C10orf90: variants seen among roughly 807,000 people sequenced by gnomAD.
C10orf90 encodes (E2-independent) E3 ubiquitin-conjugating enzyme FATS.
Under a neutral mutation model 62.5 loss-of-function variants are expected in C10orf90, and 56 were observed. The observed-to-expected ratio is 0.90, with a 90% CI of 0.72 to 1.12. C10orf90 has a LOEUF of 1.12. C10orf90 is among the 50% of genes most tolerant of loss of function. C10orf90 has a pLI of 0.00. For synonymous variants in C10orf90, 386 were observed against 340.4 expected (o/e 1.13, Z -1.47); for missense variants, 970 against 880.4 (o/e 1.10, Z -1.29).
intron 2 of C10orf90, among the ~76,000 whole-genome samples, chr10:126,587,360 A>G (rs1253878429): frequency 4.6e-5 from 7 of 152,204 alleles, no homozygotes; most frequent in African/African-American, 1.7e-4. Context: ...TATTTCTTAC[A>G]GTTCTGGAAG....
intron 2 of C10orf90, among the ~76,000 whole-genome samples, chr10:126,624,527 G>C (rs182536545): frequency 1.6e-4 from 24 of 152,284 alleles, no homozygotes; most frequent in African/African-American, 9.6e-5. Context: ...TGCTAAAAAG[G>C]CTAAGAACCA....
At chr10:126,653,950 G>A (rs117031207) in intron 1 of C10orf90, among the ~76,000 whole-genome samples, 542 of 152,266 alleles carry the variant, frequency 3.6e-3, no homozygotes, top group Non-Finnish European at 5.9e-3. Flanking sequence ...GTCAATGAGC[G>A]GTAATATTTT....
intron 2 of C10orf90, among the ~76,000 whole-genome samples, chr10:126,530,230 A>G (rs1356731161): frequency 6.6e-6 from 1 of 152,194 alleles, no homozygotes; most frequent in Non-Finnish European, 1.5e-5. Flanking sequence ...GGATGAGAAA[A>G]AGCAAACCAA....
intron 7 of C10orf90, among the ~76,000 whole-genome samples, chr10:126,450,539 T>C (rs1309266028): frequency 1.3e-5 from 2 of 152,234 alleles, no homozygotes; most frequent in East Asian, 1.9e-4. Flanking sequence ...AATACATCTA[T>C]GTATTTACAT....
intron 2 of C10orf90, among the ~76,000 whole-genome samples, chr10:126,594,258 A>G (rs2134031974): frequency 6.6e-6 from 1 of 152,238 alleles, no homozygotes. Flanking sequence ...AAAACCAAAA[A>G]GGAGCAAAAA....
At position 126,461,383 on chromosome 10, in the gene C10orf90, A is replaced by G; in HGVS notation, c.2010+18T>C. On this transcript the variant is annotated intron_variant, in intron 6 of 9. Transcript: ENST00000488181. The stretch of plus-strand genomic sequence containing the variant: ...TCCCTTTGGCAGGAATCAAGCCAGG[A>G]CACACAGAAGGCCTTACTTGCAAGG... The G allele has an allele frequency of 1.2e-6, 2 of 1,613,242 alleles. No individual in the cohort carries two copies. Among genetic ancestry groups the G allele is most frequent in the African/African-American group, 1.3e-5 (1 of 74,986 alleles).
chr10:126,515,123 G>A (rs184162326), intron 2 of C10orf90, among the ~76,000 whole-genome samples: 22 of 152,230 alleles, frequency 1.4e-4, no homozygotes, highest in African/African-American at 4.3e-4. Flanking sequence ...ACAACCTTTC[G>A]GTCAATGAAG....
intron 2 of C10orf90, among the ~76,000 whole-genome samples, chr10:126,580,358 T>A (rs1277436158): frequency 6.6e-6 from 1 of 152,122 alleles, no homozygotes; most frequent in Non-Finnish European, 1.5e-5. Flanking sequence ...CAAAAACGTT[T>A]AAAAAGACAT....
At chr10:126,526,587 A>G (rs944614976) in intron 2 of C10orf90, among the ~76,000 whole-genome samples, 1 of 152,124 alleles carries the variant, frequency 6.6e-6, no homozygotes, top group Non-Finnish European at 1.5e-5. Flanking sequence ...ATAATTTACA[A>G]GCCATACAGT....
intron 2 of C10orf90, among the ~76,000 whole-genome samples, chr10:126,522,307 T>C (rs962331763): frequency 1.3e-5 from 2 of 152,054 alleles, no homozygotes; most frequent in Non-Finnish European, 2.9e-5. Context: ...ATGGCACTGG[T>C]ACAGATGAAT....
chr10:126,454,886 G>T (rs1590932254), intron 7 of C10orf90, among the ~76,000 whole-genome samples: 1 of 152,104 alleles, frequency 6.6e-6, no homozygotes, highest in Non-Finnish European at 1.5e-5. Flanking sequence ...AATTGCACAG[G>T]TAGAGCCCTG....
intron 8 of C10orf90, 107 bp from the exon 9 acceptor site, chr10:126,426,197 C>G: frequency 1.1e-6 from 1 of 901,564 alleles, no homozygotes; most frequent in Non-Finnish European, 1.8e-6. Flanking sequence ...AAGAGAAGAT[C>G]GCTGCTTATG....
chr10:126,512,911 G>C (rs1863216327), intron 3 of C10orf90, among the ~76,000 whole-genome samples: 1 of 152,164 alleles, frequency 6.6e-6, no homozygotes, highest in African/African-American at 2.4e-5. Flanking sequence ...AGGAAATGTT[G>C]AGCTTTATTA....
At chr10:126,512,233 T>C (rs1295178997) in intron 3 of C10orf90, 1 of 151,284 alleles carries the variant, frequency 6.6e-6, no homozygotes, top group African/African-American at 2.4e-5. Context: ...CAGTCACAGA[T>C]AATGACCAAG....
intron 2 of C10orf90, among the ~76,000 whole-genome samples, chr10:126,638,893 G>A (rs1846005449): frequency 6.6e-6 from 1 of 152,200 alleles, no homozygotes; most frequent in Non-Finnish European, 1.5e-5. Flanking sequence ...ACTGTCCAGT[G>A]CTGGGTATCA....
At chr10:126,523,979 GAC>G in intron 2 of C10orf90, among the ~76,000 whole-genome samples, 1 of 152,262 alleles carries the variant, frequency 6.6e-6, no homozygotes, top group South Asian at 2.1e-4. Flanking sequence ...TCCATCAGTG[GAC>G]ACTAGTCACC....
At chr10:126,568,012 A>G (rs374142371) in intron 2 of C10orf90, among the ~76,000 whole-genome samples, 3 of 152,224 alleles carry the variant, frequency 2.0e-5, no homozygotes, top group Admixed American at 6.5e-5. Context: ...AGGAAATGGA[A>G]TAGAAGCAAA....
chr10:126,426,138 T>A (rs964866084), intron 8 of C10orf90, 48 bp from the exon 9 acceptor site: 1 of 1,453,670 alleles, frequency 6.9e-7, no homozygotes. Context: ...GACAGCGTGC[T>A]CCCGCTGTGG....
intron 3 of C10orf90, among the ~76,000 whole-genome samples, chr10:126,511,573 T>G (rs1228653950): frequency 6.6e-6 from 1 of 152,146 alleles, no homozygotes; most frequent in African/African-American, 2.4e-5. Flanking sequence ...GCTGTTTTTT[T>G]TTTTAAAGGT....
Sources: allele counts gnomAD v4.1 joint callset (sites outside exome capture counted in the v4.1 genomes callset), GRCh38; gene constraint gnomAD v4.1.1; transcripts MANE v1.5; gene names NCBI Gene and HGNC (gene_info 2026-07-23, HGNC 2026-07-21).